Variants in TMEM272 observed in about 807,000 individuals in gnomAD.
TMEM272 encodes transmembrane protein 272, also known as long intergenic non-protein coding RNA 282.
In TMEM272, 8 loss-of-function variants were observed where a neutral mutation model predicts 3.7. The ratio of observed to expected loss-of-function variants is 2.17; its 90% CI spans 1.27 to 3.91. The LOEUF (loss-of-function observed/expected upper bound fraction) is 3.91, where lower values mean the gene tolerates loss of function less well. Among genes scored for constraint, TMEM272 ranks in the 30% most tolerant of loss-of-function variants. TMEM272 has a pLI of 0.00. For missense variants in TMEM272, 166 were observed against 91.5 expected, an observed-to-expected ratio of 1.81 and a Z score of -3.32; for synonymous variants, 63 against 39.8, an observed-to-expected ratio of 1.58 and a Z score of -2.20.
chr13:51,827,901 A>G (rs1208035145), intron 2 of TMEM272, among the ~76,000 whole-genome samples: 1 of 152,202 alleles, frequency 6.6e-6, no homozygotes. Flanking sequence ...AGATTTACTG[A>G]GAGTCAGGAA....
chr13:51,878,563 T>C, the TMEM272 span, among the ~76,000 whole-genome samples: 2 of 152,192 alleles, frequency 1.3e-5, no homozygotes, highest in African/African-American at 4.8e-5. Context: ...ACCTGGGGAT[T>C]ACAATTCAGA....
chr13:51,909,975 C>T, the TMEM272 span: 2 of 1,583,628 alleles, frequency 1.3e-6, no homozygotes, highest in African/African-American at 1.3e-5. Context: ...CTGAAGTTGA[C>T]AATTTTCACT....
intron 2 of TMEM272, among the ~76,000 whole-genome samples, chr13:51,833,343 A>G (rs1956188371): frequency 6.6e-6 from 1 of 152,176 alleles, no homozygotes; most frequent in Non-Finnish European, 1.5e-5. Flanking sequence ...AGGGTTTGCA[A>G]TTGGAAAGCA....
the TMEM272 span, among the ~76,000 whole-genome samples, chr13:51,850,329 G>A: frequency 6.6e-6 from 1 of 151,922 alleles, no homozygotes; most frequent in Non-Finnish European, 1.5e-5. Context: ...CTAATAAATT[G>A]GTTATTATTT....
the TMEM272 span, among the ~76,000 whole-genome samples, chr13:51,921,982 C>T: frequency 6.6e-6 from 1 of 152,156 alleles, no homozygotes; most frequent in South Asian, 2.1e-4. Context: ...TCTCTCCACT[C>T]ATTTATACGT....
chr13:51,924,989 C>T, the TMEM272 span, among the ~76,000 whole-genome samples: 1 of 152,166 alleles, frequency 6.6e-6, no homozygotes, highest in African/African-American at 2.4e-5. Context: ...TTTGACATAA[C>T]AAGATCTGCT....
the TMEM272 span, chr13:51,865,411 G>C: frequency 1.2e-6 from 2 of 1,607,098 alleles, no homozygotes; most frequent in Non-Finnish European, 1.7e-6. Context: ...TGATAAGGAA[G>C]ATGTTTTCCT....
chr13:51,880,810 G>A, the TMEM272 span, among the ~76,000 whole-genome samples: 8 of 152,318 alleles, frequency 5.3e-5, no homozygotes, highest in African/African-American at 1.9e-4. Context: ...TATGGAGGGG[G>A]TGAGGGATAA....
chr13:51,924,028 G>A, the TMEM272 span, among the ~76,000 whole-genome samples: 13 of 152,178 alleles, frequency 8.5e-5, no homozygotes, highest in Non-Finnish European at 1.0e-4. Flanking sequence ...CAGGGCTTGG[G>A]GCTGGGTAAA....
chr13:51,921,013 T>C, the TMEM272 span, among the ~76,000 whole-genome samples: 8 of 152,338 alleles, frequency 5.3e-5, no homozygotes, highest in Admixed American at 5.2e-4. Flanking sequence ...TTGTGATAAC[T>C]GCAATTCACA....
At chr13:51,826,034 T>C (rs1387562927) in intron 3 of TMEM272, among the ~76,000 whole-genome samples, 1 of 149,750 alleles carries the variant, frequency 6.7e-6, no homozygotes, top group Admixed American at 6.7e-5. Context: ...TTAAGGAGCT[T>C]CCCCCATCCT....
At chr13:51,857,245 TA>T in the TMEM272 span, among the ~76,000 whole-genome samples, 561 of 142,364 alleles carry the variant, frequency 3.9e-3, 1 homozygote, top group Admixed American at 4.0e-3. Flanking sequence ...TAGCTGGCAT[TA>T]AAAAAAAAAA....
chr13:51,892,811 G>T, the TMEM272 span, among the ~76,000 whole-genome samples: 9 of 152,120 alleles, frequency 5.9e-5, no homozygotes, highest in Admixed American at 1.3e-4. Context: ...CCCTCCCTTT[G>T]TTCCTCCGTC....
chr13:51,891,743 CTG>C, the TMEM272 span, among the ~76,000 whole-genome samples: 1 of 152,134 alleles, frequency 6.6e-6, no homozygotes, highest in Non-Finnish European at 1.5e-5. Context: ...AGAGGCAGGA[CTG>C]TGTCTTATTC....
At chr13:51,823,900 T>G (rs543425565) in intron 3 of TMEM272, among the ~76,000 whole-genome samples, 9 of 152,352 alleles carry the variant, frequency 5.9e-5, no homozygotes, top group Non-Finnish European at 1.2e-4. Flanking sequence ...GATCCAATCA[T>G]CAACCTATGG....
chr13:51,892,507 C>A, the TMEM272 span, among the ~76,000 whole-genome samples: 1 of 152,162 alleles, frequency 6.6e-6, no homozygotes, highest in Non-Finnish European at 1.5e-5. Flanking sequence ...CCACTTGCTT[C>A]CTGTTAGATT....
At chr13:51,840,602 A>G (rs2139587837) in intron 1 of TMEM272, among the ~76,000 whole-genome samples, 2 of 152,314 alleles carry the variant, frequency 1.3e-5, no homozygotes, top group East Asian at 3.9e-4. Context: ...TTTGGATTCC[A>G]GGGGTCCCTC....
intron 4 of TMEM272, 94 bp from the exon 5 acceptor site, chr13:51,817,207 G>A: frequency 1.6e-6 from 1 of 614,190 alleles, no homozygotes; most frequent in South Asian, 1.9e-5. Context: ...GGTGTTGGCA[G>A]GGAGAGAGAA....
intron 2 of TMEM272, among the ~76,000 whole-genome samples, chr13:51,831,764 C>T (rs968322814): frequency 6.6e-6 from 1 of 152,212 alleles, no homozygotes; most frequent in Non-Finnish European, 1.5e-5. Context: ...GCCGCTGTTG[C>T]GATTGCAGCG....
Sources: allele counts gnomAD v4.1 joint callset (sites outside exome capture counted in the v4.1 genomes callset), GRCh38; gene constraint gnomAD v4.1.1; transcripts MANE v1.5; gene names NCBI Gene and HGNC (gene_info 2026-07-23, HGNC 2026-07-21).